Variants in SOX5 observed in about 807,000 individuals in gnomAD.
The protein encoded by SOX5 is SRY-box transcription factor 5, also known as transcription factor SOX-5.
SOX5 carries 9 observed loss-of-function variants against 92.0 expected under a neutral mutation model. The observed-to-expected ratio is 0.10, with a 90% confidence interval of 0.06 to 0.17. The LOEUF (loss-of-function observed/expected upper bound fraction) is 0.17, where lower values mean the gene tolerates loss of function less well. Ranked by LOEUF, SOX5 falls within the 10% of genes least tolerant of loss-of-function variation. The probability of loss-of-function intolerance (pLI) is 1.00; values close to 1 mark genes in which losing one functional copy is unlikely to be tolerated. For synonymous variants in SOX5, 344 were observed against 336.3 expected, an observed-to-expected ratio of 1.02 and a Z score of -0.25; for missense variants, 642 against 944.5, an observed-to-expected ratio of 0.68 and a Z score of 4.20.
chr12:23,788,096 TGTA>T (rs1238313614), intron 3 of SOX5, among the ~76,000 whole-genome samples: 2 of 151,294 alleles, frequency 1.3e-5, no homozygotes, highest in African/African-American at 2.4e-5. Flanking sequence ...ATTAAAAAGT[TGTA>T]GTATTCATTT....
chr12:23,629,217 A>C (rs1450378191), intron 8 of SOX5, among the ~76,000 whole-genome samples: 3 of 152,106 alleles, frequency 2.0e-5, no homozygotes, highest in Admixed American at 2.0e-4. Flanking sequence ...CATTGTTACC[A>C]ATATGCAAAT....
chr12:23,941,859 G>C (rs1943711275), intron 1 of SOX5, among the ~76,000 whole-genome samples: 1 of 151,128 alleles, frequency 6.6e-6, no homozygotes, highest in Non-Finnish European at 1.5e-5. Flanking sequence ...AAGAAAAAAG[G>C]AAGGAAATAT....
chr12:23,816,158 G>A (rs2095987315), intron 3 of SOX5, among the ~76,000 whole-genome samples: 1 of 151,170 alleles, frequency 6.6e-6, no homozygotes, highest in Admixed American at 6.6e-5. Flanking sequence ...GCGGACCACT[G>A]CTCTAGGAGG....
chr12:24,335,107 CTTCAA>C (rs1015079147), intron 2 of SOX5, among the ~76,000 whole-genome samples: 3 of 151,646 alleles, frequency 2.0e-5, no homozygotes, highest in African/African-American at 7.3e-5. Flanking sequence ...GCTTTTTTGT[CTTCAA>C]TTCACCCATT....
chr12:23,874,312 G>C (rs1257218337), intron 2 of SOX5, among the ~76,000 whole-genome samples: 2 of 152,006 alleles, frequency 1.3e-5, no homozygotes, highest in Non-Finnish European at 2.9e-5. Context: ...ATTCAAAGAG[G>C]AAATAAATCC....
intron 7 of SOX5, among the ~76,000 whole-genome samples, chr12:23,660,638 A>T (rs2082909460): frequency 6.6e-6 from 1 of 152,158 alleles, no homozygotes; most frequent in Non-Finnish European, 1.5e-5. Context: ...GTGGAAAATA[A>T]ATTTTGTTAT....
chr12:23,724,646 T>C (rs976947147), intron 6 of SOX5, among the ~76,000 whole-genome samples: 1 of 152,194 alleles, frequency 6.6e-6, no homozygotes, highest in Non-Finnish European at 1.5e-5. Context: ...TTACAAATCC[T>C]AGATATCCCT....
intron 6 of SOX5, among the ~76,000 whole-genome samples, chr12:23,696,028 CCTT>C (rs2140125992): frequency 6.7e-6 from 1 of 149,850 alleles, no homozygotes; most frequent in Non-Finnish European, 1.5e-5. Context: ...AATATATTAT[CCTT>C]CTTATATATT....
At chr12:23,643,359 G>C (rs1296265654) in intron 7 of SOX5, among the ~76,000 whole-genome samples, 1 of 152,158 alleles carries the variant, frequency 6.6e-6, no homozygotes, top group Non-Finnish European at 1.5e-5. Flanking sequence ...TGCGGGGAAG[G>C]AACAAAGAGT....
chr12:23,812,045 T>C lies in SOX5; in HGVS notation c.481+33938A>G, dbSNP rs566990774. ...ATAAATAAAGGCAAAATGTTCTTAT[T>C]TTTTCAAGTAATTTGCAATAATATT... On this transcript the variant is annotated intron_variant, in intron 3 of 14. Coordinates refer to ENST00000451604, the MANE Select transcript of SOX5 (RefSeq NM_006940.6). Among the ~76,000 whole-genome samples the C allele has an allele frequency of 5.9e-5, 9 of 152,224 alleles. No homozygotes were observed. In the East Asian group the frequency reaches 1.7e-3, roughly 29 times the overall value.
At chr12:23,656,212 T>A (rs868368088) in intron 7 of SOX5, among the ~76,000 whole-genome samples, 4 of 151,850 alleles carry the variant, frequency 2.6e-5, no homozygotes, top group Admixed American at 2.0e-4. Flanking sequence ...ATAGAATTCA[T>A]TAAAGCCAGA....
Position 23,935,351 on chromosome 12 carries a change from CAT to C in SOX5, c.38+14211_38+14212del, listed in dbSNP as rs905964338. ...CAACTTTTCTAAATCAATATCCCCA[CAT>C]GAGATGTGAACACTGACACACTTAA... On this transcript the variant is annotated intron_variant, in intron 1 of 14. Coordinates refer to ENST00000451604, the MANE Select transcript of SOX5 (RefSeq NM_006940.6). Among the ~76,000 whole-genome samples the C allele has an allele frequency of 3.3e-5, 5 of 151,346 alleles. No homozygotes were observed. The South Asian group carries it at 8.3e-4, about 25-fold the overall frequency.
upstream of SOX5, chr12:23,950,892 G>GGCT: frequency 6.5e-7 from 1 of 1,534,962 alleles, no homozygotes; most frequent in Non-Finnish European, 8.7e-7. Context: ...CAGAGATGGT[G>GGCT]GCTGCCCCGT....
intron 7 of SOX5, among the ~76,000 whole-genome samples, chr12:23,647,604 A>G (rs7975630): frequency 0.31 from 47,567 of 152,038 alleles, 8,024 homozygotes; most frequent in African/African-American, 0.44. Context: ...TTTTGCATCA[A>G]TGACCTTAGA....
chr12:24,355,527 G>A (rs181953568), intron 2 of SOX5, among the ~76,000 whole-genome samples: 6 of 152,016 alleles, frequency 3.9e-5, no homozygotes, highest in East Asian at 1.9e-4. Flanking sequence ...ATTTTAAAAT[G>A]CCTTTAAGGT....
chr12:24,282,778 G>T, intron 2 of SOX5, among the ~76,000 whole-genome samples: 1 of 152,184 alleles, frequency 6.6e-6, no homozygotes, highest in East Asian at 1.9e-4. Context: ...TTAGGGCAGT[G>T]CTAGATCTGG....
At chr12:24,144,726 G>C (rs759599435) in intron 4 of SOX5, among the ~76,000 whole-genome samples, 1 of 152,098 alleles carries the variant, frequency 6.6e-6, no homozygotes, top group Non-Finnish European at 1.5e-5. Context: ...CTACTTGGGA[G>C]GCTGAGGCAG....
chr12:24,159,869 G>A (rs756169720), intron 4 of SOX5, among the ~76,000 whole-genome samples: 18 of 151,958 alleles, frequency 1.2e-4, no homozygotes, highest in South Asian at 6.2e-4. Context: ...GTACTTGGAC[G>A]AAAAGTATAT....
At chr12:24,356,053 A>G (rs1391461654) in intron 2 of SOX5, among the ~76,000 whole-genome samples, 1 of 152,234 alleles carries the variant, frequency 6.6e-6, no homozygotes, top group Non-Finnish European at 1.5e-5. Flanking sequence ...TATTTCACAT[A>G]AAAGTGGACA....
Sources: allele counts gnomAD v4.1 joint callset (sites outside exome capture counted in the v4.1 genomes callset), GRCh38; gene constraint gnomAD v4.1.1; transcripts MANE v1.5; gene names NCBI Gene and HGNC (gene_info 2026-07-23, HGNC 2026-07-21).